Variants in NRXN3 observed in about 807,000 individuals in gnomAD.
NRXN3 encodes the protein neurexin III.
In NRXN3, 32 loss-of-function variants were observed where a neutral mutation model predicts 137.6. That is an observed-to-expected ratio of 0.23 (90% CI 0.18 to 0.31). NRXN3 has a LOEUF of 0.31. Among genes scored for constraint, NRXN3 ranks in the 10% least tolerant of loss-of-function variants. The pLI is 1.00. For synonymous variants in NRXN3, 798 were observed against 784.5 expected, an observed-to-expected ratio of 1.02 and a Z score of -0.29; for missense variants, 1,574 against 2,062.5, an observed-to-expected ratio of 0.76 and a Z score of 4.59.
At chr14:78,795,247 A>T (rs2098818051) in intron 8 of NRXN3, among the ~76,000 whole-genome samples, 1 of 152,256 alleles carries the variant, frequency 6.6e-6, no homozygotes, top group Non-Finnish European at 1.5e-5. Context: ...AGCATCGTAC[A>T]GATAAAAGAA....
intron 10 of NRXN3, among the ~76,000 whole-genome samples, chr14:78,914,583 C>CA (rs139589143): frequency 0.028 from 4,327 of 152,138 alleles, 81 homozygotes; most frequent in African/African-American, 0.054. Flanking sequence ...AAAAGCATTG[C>CA]AAACAGAGGA....
chr14:79,844,056 A>G (rs2099361939), intron 20 of NRXN3, among the ~76,000 whole-genome samples: 1 of 152,082 alleles, frequency 6.6e-6, no homozygotes, highest in African/African-American at 2.4e-5. Flanking sequence ...CACTCCATCC[A>G]AGTTGCTGCA....
intron 16 of NRXN3, among the ~76,000 whole-genome samples, chr14:79,477,765 G>T (rs1334614508): frequency 6.6e-6 from 1 of 152,024 alleles, no homozygotes; most frequent in East Asian, 1.9e-4. Context: ...CGTCTTTAAA[G>T]ACTTATTCTA....
At chr14:79,561,102 A>G (rs929570158) in intron 16 of NRXN3, among the ~76,000 whole-genome samples, 1 of 152,084 alleles carries the variant, frequency 6.6e-6, no homozygotes, top group Non-Finnish European at 1.5e-5. Flanking sequence ...TTGCTTTTAG[A>G]GTTGTTGAGC....
chr14:78,461,435 A>G (rs1309211517), intron 4 of NRXN3, among the ~76,000 whole-genome samples: 2 of 152,098 alleles, frequency 1.3e-5, no homozygotes, highest in Non-Finnish European at 2.9e-5. Flanking sequence ...TATTTTCAAC[A>G]CAAGAAAGGT....
chr14:79,694,442 CCAG>C (rs1462410130), intron 18 of NRXN3, among the ~76,000 whole-genome samples: 2 of 151,812 alleles, frequency 1.3e-5, no homozygotes, highest in Non-Finnish European at 2.9e-5. Flanking sequence ...AATTCCTCTA[CCAG>C]TGTTTGTTAT....
chr14:78,236,259 C>T (rs888398180), intron 1 of NRXN3, among the ~76,000 whole-genome samples: 2 of 152,190 alleles, frequency 1.3e-5, no homozygotes, highest in African/African-American at 4.8e-5. Context: ...TTGCCTTCTT[C>T]TAATCATTAA....
At chr14:78,295,887 G>A (rs1596981527) in intron 3 of NRXN3, among the ~76,000 whole-genome samples, 1 of 152,010 alleles carries the variant, frequency 6.6e-6, no homozygotes, top group African/African-American at 2.4e-5. Flanking sequence ...ATATTCACGT[G>A]GGTCAAATAA....
At chr14:79,505,686 G>A (rs372077624) in intron 16 of NRXN3, among the ~76,000 whole-genome samples, 14 of 152,246 alleles carry the variant, frequency 9.2e-5, no homozygotes, top group Admixed American at 2.0e-4. Flanking sequence ...TTACTAATGG[G>A]TTGCAAATGC....
At chr14:78,921,015 C>T (rs893944414) in intron 10 of NRXN3, among the ~76,000 whole-genome samples, 4 of 152,124 alleles carry the variant, frequency 2.6e-5, no homozygotes, top group Non-Finnish European at 5.9e-5. Flanking sequence ...AACTCAATCT[C>T]CAGCCCTTCT....
At chr14:79,839,215 C>T (rs779757173) in intron 20 of NRXN3, among the ~76,000 whole-genome samples, 12 of 151,896 alleles carry the variant, frequency 7.9e-5, no homozygotes, top group Non-Finnish European at 1.6e-4. Flanking sequence ...AACAAAAACA[C>T]CACACAAAAA....
At chr14:78,294,350 T>C (rs530016195) in intron 3 of NRXN3, among the ~76,000 whole-genome samples, 60 of 151,918 alleles carry the variant, frequency 3.9e-4, no homozygotes, top group Non-Finnish European at 6.9e-4. Context: ...AGGTCAGGAG[T>C]TCGAGACCAG....
intron 8 of NRXN3, among the ~76,000 whole-genome samples, chr14:78,789,011 C>T (rs914562877): frequency 6.6e-6 from 1 of 152,110 alleles, no homozygotes; most frequent in Non-Finnish European, 1.5e-5. Context: ...TGAATTGACT[C>T]AGAGCAATTC....
intron 19 of NRXN3, among the ~76,000 whole-genome samples, chr14:79,729,536 A>T (rs1183365229): frequency 3.3e-5 from 5 of 152,218 alleles, no homozygotes; most frequent in African/African-American, 1.2e-4. Context: ...AAGGGAAACT[A>T]GATATTTGGG....
intron 16 of NRXN3, among the ~76,000 whole-genome samples, chr14:79,635,441 C>T (rs146248784): frequency 6.0e-4 from 92 of 152,288 alleles, no homozygotes; most frequent in Non-Finnish European, 9.7e-4. Context: ...GTTCACCAAA[C>T]GTACTAGTTT....
chr14:78,677,317 T>G (rs1390269165), intron 6 of NRXN3, among the ~76,000 whole-genome samples: 4 of 151,984 alleles, frequency 2.6e-5, no homozygotes, highest in Non-Finnish European at 5.9e-5. Context: ...TGATTCCAGC[T>G]CTCATGGATG....
chr14:79,778,901 T>C (rs1391301494), intron 19 of NRXN3, among the ~76,000 whole-genome samples: 6 of 152,210 alleles, frequency 3.9e-5, no homozygotes, highest in Admixed American at 2.0e-4. Context: ...AGAAAGACTT[T>C]GGAATCTGAT....
At chr14:79,439,311 A>T (rs1341424211) in intron 15 of NRXN3, among the ~76,000 whole-genome samples, 5 of 152,246 alleles carry the variant, frequency 3.3e-5, no homozygotes, top group African/African-American at 1.2e-4. Context: ...GTTTAAGTAG[A>T]CATTAAACAT....
intron 15 of NRXN3, among the ~76,000 whole-genome samples, chr14:79,270,559 A>G (rs2079150922): frequency 6.6e-6 from 1 of 152,156 alleles, no homozygotes; most frequent in African/African-American, 2.4e-5. Flanking sequence ...TGGCTCTAGG[A>G]CTAGGCCCTC....
Sources: allele counts gnomAD v4.1 joint callset (sites outside exome capture counted in the v4.1 genomes callset), GRCh38; gene constraint gnomAD v4.1.1; transcripts MANE v1.5; gene names NCBI Gene and HGNC (gene_info 2026-07-23, HGNC 2026-07-21).